HDAC9: variants seen among roughly 807,000 people sequenced by gnomAD.
The protein encoded by HDAC9 is MEF-2 interacting transcription repressor (MITR) protein.
In HDAC9, 41 loss-of-function variants were observed where a neutral mutation model predicts 139.4. The ratio of observed to expected loss-of-function variants is 0.29; its 90% CI spans 0.23 to 0.38. The LOEUF is 0.38. Among genes scored for constraint, HDAC9 ranks in the 10% least tolerant of loss-of-function variants. HDAC9 has a pLI of 1.00. For synonymous variants in HDAC9, 517 were observed against 476.2 expected (o/e 1.09, Z -1.12); for missense variants, 1,147 against 1,297.0 (o/e 0.88, Z 1.78).
chr7:18,455,159 A>G (rs1586030717), intron 1 of HDAC9, among the ~76,000 whole-genome samples: 3 of 152,148 alleles, frequency 2.0e-5, no homozygotes, highest in Admixed American at 1.3e-4. Context: ...AAAAAGCCAG[A>G]TATCTTCCTG....
intron 6 of HDAC9, among the ~76,000 whole-genome samples, chr7:18,595,598 A>G (rs921936797): frequency 6.6e-6 from 1 of 152,048 alleles, no homozygotes; most frequent in Admixed American, 6.6e-5. Context: ...AGGAGTTACT[A>G]AAAGGAAAGA....
At chr7:18,610,069 A>G (rs180874504) in intron 6 of HDAC9, among the ~76,000 whole-genome samples, 97 of 152,274 alleles carry the variant, frequency 6.4e-4, no homozygotes, top group African/African-American at 2.3e-3. Flanking sequence ...CCAAAGGGTA[A>G]TAAATCATGC....
chr7:18,878,428 A>G (rs1325897304), intron 22 of HDAC9, among the ~76,000 whole-genome samples: 1 of 152,204 alleles, frequency 6.6e-6, no homozygotes. Context: ...AACATGTGAA[A>G]TACATTCCTT....
chr7:18,687,646 C>T (rs1782369220), intron 12 of HDAC9, among the ~76,000 whole-genome samples: 1 of 151,678 alleles, frequency 6.6e-6, no homozygotes, highest in Admixed American at 6.6e-5. Context: ...TTCAACATAT[C>T]GAGAACAGAT....
chr7:18,839,082 G>A (rs1796421611), intron 21 of HDAC9, among the ~76,000 whole-genome samples: 1 of 152,066 alleles, frequency 6.6e-6, no homozygotes. Flanking sequence ...AATAATTGAA[G>A]GGTATACTTA....
intron 2 of HDAC9, among the ~76,000 whole-genome samples, chr7:18,524,878 A>G (rs1054247376): frequency 6.6e-6 from 1 of 151,602 alleles, no homozygotes; most frequent in Non-Finnish European, 1.5e-5. Context: ...ACACACACAC[A>G]CACACACACA....
At chr7:18,468,006 G>A (rs1794425103) in intron 1 of HDAC9, among the ~76,000 whole-genome samples, 1 of 152,076 alleles carries the variant, frequency 6.6e-6, no homozygotes, top group South Asian at 2.1e-4. Flanking sequence ...TTAGACTTAG[G>A]TTATAGGTGT....
intron 1 of HDAC9, among the ~76,000 whole-genome samples, chr7:18,130,365 G>C (rs903800276): frequency 6.6e-6 from 1 of 152,086 alleles, no homozygotes. Flanking sequence ...ATGAGGAATA[G>C]TGGCATGAGG....
intron 1 of HDAC9, among the ~76,000 whole-genome samples, chr7:18,482,552 A>G (rs1461160477): frequency 6.6e-6 from 1 of 152,082 alleles, no homozygotes; most frequent in Non-Finnish European, 1.5e-5. Context: ...GAGTTATCAA[A>G]TCTTACAAAT....
intron 19 of HDAC9, among the ~76,000 whole-genome samples, chr7:18,835,157 G>T (rs987504216): frequency 1.3e-5 from 2 of 152,126 alleles, no homozygotes; most frequent in Non-Finnish European, 2.9e-5. Flanking sequence ...ATATCTAATT[G>T]TACCAAAGGA....
At chr7:18,339,188 A>G (rs1441207042) in intron 1 of HDAC9, among the ~76,000 whole-genome samples, 2 of 150,942 alleles carry the variant, frequency 1.3e-5, no homozygotes, top group East Asian at 1.9e-4. Flanking sequence ...GTTTGTCAGT[A>G]TTCTGGATCT....
chr7:18,138,563 T>TGTGC (rs895058145), intron 1 of HDAC9, among the ~76,000 whole-genome samples: 10 of 143,520 alleles, frequency 7.0e-5, no homozygotes, highest in African/African-American at 2.6e-4. Flanking sequence ...TGTGTGTGTG[T>TGTGC]GCACATGCTC....
At chr7:18,292,900 T>A (rs1797902395) in intron 1 of HDAC9, among the ~76,000 whole-genome samples, 1 of 152,166 alleles carries the variant, frequency 6.6e-6, no homozygotes, top group Admixed American at 6.6e-5. Context: ...CGGGTACAAC[T>A]GCAAAAATAG....
At chr7:18,746,300 A>G (rs982342636) in intron 13 of HDAC9, among the ~76,000 whole-genome samples, 2 of 152,240 alleles carry the variant, frequency 1.3e-5, no homozygotes, top group African/African-American at 4.8e-5. Context: ...GTAGTAACTC[A>G]TAAATACTTG....
intron 1 of HDAC9, among the ~76,000 whole-genome samples, chr7:18,422,742 GCGCACA>G (rs368510879): frequency 0.095 from 12,912 of 135,518 alleles, 546 homozygotes; most frequent in Non-Finnish European, 0.11. Flanking sequence ...ACACACACAC[GCGCACA>G]CACACACACA....
At chr7:18,244,994 C>CATCTATCT (rs1554342548) in intron 2 of HDAC9, among the ~76,000 whole-genome samples, 2,665 of 148,042 alleles carry the variant, frequency 0.018, 38 homozygotes, top group African/African-American at 0.034. Flanking sequence ...ATCTAATCTG[C>CATCTATCT]ATCTATCTAT....
At chr7:18,938,258 A>G (rs1017512610) in intron 23 of HDAC9, among the ~76,000 whole-genome samples, 2 of 131,550 alleles carry the variant, frequency 1.5e-5, no homozygotes, top group East Asian at 2.5e-4. Flanking sequence ...AAAAAAATTG[A>G]TGGCAATATG....
intron 2 of HDAC9, among the ~76,000 whole-genome samples, chr7:18,269,214 G>A (rs1464785684): frequency 6.6e-6 from 1 of 152,048 alleles, no homozygotes; most frequent in Non-Finnish European, 1.5e-5. Context: ...TATGGAATAT[G>A]TAACGTGGAA....
At chr7:18,994,173 C>T (rs1786261102) in intron 25 of HDAC9, among the ~76,000 whole-genome samples, 1 of 152,090 alleles carries the variant, frequency 6.6e-6, no homozygotes, top group Non-Finnish European at 1.5e-5. Flanking sequence ...GTGACTGTCT[C>T]TGGAATTCCA....
Sources: gnomAD v4.1 joint callset for allele counts (sites outside exome capture counted in the v4.1 genomes callset) on GRCh38, gnomAD v4.1.1 for gene constraint, MANE v1.5 for transcripts, NCBI Gene and HGNC (gene_info 2026-07-23, HGNC 2026-07-21) for gene names.